Variants in SH3GL2 observed in about 807,000 individuals in gnomAD.
The protein encoded by SH3GL2 is endophilin-A1.
A neutral mutation model predicts 46.0 loss-of-function variants in SH3GL2; 24 were observed. That is an observed-to-expected ratio of 0.52 (90% CI 0.38 to 0.73). The LOEUF is 0.73. Ranked by LOEUF, SH3GL2 falls within the 30% of genes least tolerant of loss-of-function variation. The pLI is 0.00. For synonymous variants in SH3GL2, 196 were observed against 147.1 expected (o/e 1.33, Z -2.40); for missense variants, 413 against 424.2 (o/e 0.97, Z 0.23).
chr9:17,636,903 G>A (rs1353155776), intron 1 of SH3GL2, among the ~76,000 whole-genome samples: 1 of 152,192 alleles, frequency 6.6e-6, no homozygotes, highest in Non-Finnish European at 1.5e-5. Context: ...AGTGATCCTA[G>A]TGTGTTGGAT....
At chr9:17,761,808 G>C (rs1282981171) in intron 3 of SH3GL2, among the ~76,000 whole-genome samples, 1 of 152,196 alleles carries the variant, frequency 6.6e-6, no homozygotes, top group African/African-American at 2.4e-5. Flanking sequence ...ACTGTTATCA[G>C]TTTGAACTTT....
intron 1 of SH3GL2, among the ~76,000 whole-genome samples, chr9:17,587,027 C>T (rs890267654): frequency 3.3e-5 from 5 of 152,074 alleles, no homozygotes; most frequent in Admixed American, 3.3e-4. Context: ...CATGGCAAAA[C>T]CTCGTCTCTA....
At chr9:17,692,201 T>G (rs957031276) in intron 1 of SH3GL2, among the ~76,000 whole-genome samples, 5 of 151,746 alleles carry the variant, frequency 3.3e-5, no homozygotes, top group Non-Finnish European at 4.4e-5. Flanking sequence ...TGTATGGATA[T>G]GGGGGACAGC....
chr9:17,727,310 G>A (rs1047467497), intron 1 of SH3GL2, among the ~76,000 whole-genome samples: 1 of 152,154 alleles, frequency 6.6e-6, no homozygotes, highest in Non-Finnish European at 1.5e-5. Flanking sequence ...ACTATGTAAA[G>A]TGTGTAGGCT....
chr9:17,631,808 T>C (rs3808737), intron 1 of SH3GL2, among the ~76,000 whole-genome samples: 76,823 of 151,998 alleles, frequency 0.51, 20,744 homozygotes, highest in Non-Finnish European at 0.62. Context: ...GAGGCTCACT[T>C]TGAAAAGTAA....
chr9:17,725,540 G>A (rs916289554), intron 1 of SH3GL2, among the ~76,000 whole-genome samples: 1 of 152,110 alleles, frequency 6.6e-6, no homozygotes, highest in Non-Finnish European at 1.5e-5. Flanking sequence ...CAGAAGGGGA[G>A]CTCCCTCTGT....
chr9:17,584,656 C>T (rs1288825994), intron 1 of SH3GL2, among the ~76,000 whole-genome samples: 2 of 152,168 alleles, frequency 1.3e-5, no homozygotes, highest in Non-Finnish European at 2.9e-5. Flanking sequence ...TGTAAAAAAC[C>T]TTTCCAGAGG....
intron 1 of SH3GL2, among the ~76,000 whole-genome samples, chr9:17,656,016 A>T (rs1820066613): frequency 6.6e-6 from 1 of 152,182 alleles, no homozygotes; most frequent in South Asian, 2.1e-4. Flanking sequence ...CTATTTTTTT[A>T]GTCCCCTGAA....
At chr9:17,714,781 C>T (rs915433638) in intron 1 of SH3GL2, among the ~76,000 whole-genome samples, 1 of 151,614 alleles carries the variant, frequency 6.6e-6, no homozygotes, top group Non-Finnish European at 1.5e-5. Context: ...GTTTTAACAA[C>T]AAAAAAACTC....
chr9:17,686,431 A>G (rs1357496196), intron 1 of SH3GL2, among the ~76,000 whole-genome samples: 2 of 138,928 alleles, frequency 1.4e-5, no homozygotes, highest in East Asian at 2.1e-4. Flanking sequence ...CAGCCATCCC[A>G]TTACTGGGTA....
chr9:17,788,234 C>A (rs1824018382), intron 5 of SH3GL2, among the ~76,000 whole-genome samples: 2 of 152,050 alleles, frequency 1.3e-5, no homozygotes, highest in Non-Finnish European at 1.5e-5. Context: ...ACCATTTGCT[C>A]AAGATTATAG....
chr9:17,749,166 C>T (rs1485057067), intron 2 of SH3GL2, among the ~76,000 whole-genome samples: 5 of 152,220 alleles, frequency 3.3e-5, no homozygotes, highest in African/African-American at 1.2e-4. Flanking sequence ...GCATTGGTTC[C>T]TATTTCTCAT....
intron 1 of SH3GL2, among the ~76,000 whole-genome samples, chr9:17,622,730 T>C (rs1164952301): frequency 6.6e-6 from 1 of 152,156 alleles, no homozygotes; most frequent in African/African-American, 2.4e-5. Flanking sequence ...CTTGATGTCC[T>C]TAATTTCAAA....
intron 8 of SH3GL2, 74 bp downstream of exon 8, chr9:17,793,571 A>C: frequency 6.9e-7 from 1 of 1,443,310 alleles, no homozygotes; most frequent in Admixed American, 2.0e-5. Flanking sequence ...AAATTTTAGG[A>C]ATAGTCCAAT....
intron 1 of SH3GL2, among the ~76,000 whole-genome samples, chr9:17,678,846 A>G (rs1820687128): frequency 6.6e-6 from 1 of 152,186 alleles, no homozygotes; most frequent in African/African-American, 2.4e-5. Flanking sequence ...GGCTTTCTCC[A>G]TATGGCTAGC....
intron 1 of SH3GL2, among the ~76,000 whole-genome samples, chr9:17,702,733 G>A (rs1320723325): frequency 6.6e-6 from 1 of 151,908 alleles, no homozygotes; most frequent in African/African-American, 2.4e-5. Flanking sequence ...TAAGGCATAG[G>A]AAAAATGAGT....
rs778939050 is a variant in SH3GL2, at chr9:17,787,502, A to C, written c.454A>C (p.Arg152=). The change falls in exon 5 of 9, where the codon AGG becomes CGG. Residue 152 remains arginine, a synonymous_variant. Transcript: ENST00000380607. ...TCAGAATCTTCATGACAAAGATCTT[A>C]GGGAAATTCAAGTATGTACAATGAG... The part of the protein sequence containing the change: ...PLQNLHDKDL[R]EIQHHLKKLE... The C allele has an allele frequency of 3.1e-6, 5 of 1,612,714 alleles. No homozygotes were observed. The South Asian group carries it at 5.5e-5, about 18-fold the overall frequency.
intron 1 of SH3GL2, among the ~76,000 whole-genome samples, chr9:17,656,762 C>A (rs10963189): frequency 5.8e-4 from 59 of 101,574 alleles, no homozygotes; most frequent in Non-Finnish European, 8.2e-4. Context: ...CAGAGTGAGA[C>A]TACATCTCAA....
At chr9:17,680,467 G>T (rs1177506597) in intron 1 of SH3GL2, among the ~76,000 whole-genome samples, 1 of 151,998 alleles carries the variant, frequency 6.6e-6, no homozygotes, top group Non-Finnish European at 1.5e-5. Context: ...TGTGGGATTG[G>T]TGGTGATATC....
Sources: gnomAD v4.1 joint callset for allele counts (sites outside exome capture counted in the v4.1 genomes callset) on GRCh38, gnomAD v4.1.1 for gene constraint, MANE v1.5 for transcripts, NCBI Gene and HGNC (gene_info 2026-07-23, HGNC 2026-07-21) for gene names.